Variants in TENM2 observed in about 807,000 individuals in gnomAD.
TENM2 encodes teneurin-2.
In TENM2, 52 loss-of-function variants were observed where a neutral mutation model predicts 245.2. The observed-to-expected ratio is 0.21, with a 90% CI of 0.17 to 0.27. The LOEUF is 0.27. TENM2 is among the 10% of genes least tolerant of loss of function. The pLI, the probability that TENM2 is intolerant of heterozygous loss-of-function variation, is 1.00. For missense variants in TENM2, 3,046 were observed against 3,666.8 expected (o/e 0.83, Z 4.37); for synonymous variants, 1,363 against 1,438.9 (o/e 0.95, Z 1.19).
intron 2 of TENM2, among the ~76,000 whole-genome samples, chr5:167,792,837 G>A (rs1765077215): frequency 6.6e-6 from 1 of 152,106 alleles, no homozygotes. Context: ...GTTATGAAAA[G>A]AGTTTTGCTC....
intron 2 of TENM2, among the ~76,000 whole-genome samples, chr5:167,490,223 G>A (rs1768339212): frequency 6.6e-6 from 1 of 151,820 alleles, no homozygotes. Context: ...TTAAATTCTT[G>A]TCAACTTGAT....
chr5:167,743,843 C>T (rs1439708889), intron 2 of TENM2, among the ~76,000 whole-genome samples: 1 of 152,190 alleles, frequency 6.6e-6, no homozygotes, highest in African/African-American at 2.4e-5. Flanking sequence ...GCGATGACTA[C>T]TGACCTTACC....
chr5:168,205,379 T>G (rs1762273441), intron 19 of TENM2, among the ~76,000 whole-genome samples: 1 of 151,428 alleles, frequency 6.6e-6, no homozygotes, highest in African/African-American at 2.4e-5. Flanking sequence ...TGTGTTCTGG[T>G]AAGGAGCCAC....
At chr5:167,044,128 G>T in the TENM2 span, among the ~76,000 whole-genome samples, 1 of 152,096 alleles carries the variant, frequency 6.6e-6, no homozygotes, top group East Asian at 1.9e-4. Flanking sequence ...GAAAAGGCAG[G>T]CATGAGACTG....
chr5:167,490,762 A>AT (rs1341903550), intron 2 of TENM2, among the ~76,000 whole-genome samples: 1 of 152,182 alleles, frequency 6.6e-6, no homozygotes, highest in African/African-American at 2.4e-5. Flanking sequence ...AATTCAAGTT[A>AT]TTTATTGATT....
chr5:167,998,901 T>C (rs1250031746), intron 5 of TENM2, among the ~76,000 whole-genome samples: 1 of 152,218 alleles, frequency 6.6e-6, no homozygotes, highest in African/African-American at 2.4e-5. Flanking sequence ...GATTATTTTC[T>C]ATGGAAACTA....
intron 9 of TENM2, among the ~76,000 whole-genome samples, chr5:168,112,546 C>T (rs1247425050): frequency 3.0e-5 from 4 of 132,286 alleles, no homozygotes; most frequent in South Asian, 4.6e-4. Context: ...AGGACATGAT[C>T]CCATTCCTTT....
chr5:168,252,457 G>A lies in TENM2; in HGVS notation c.7432+4086G>A, dbSNP rs76852855. 6.2e-3 allele frequency among the ~76,000 whole-genome samples: 932 copies of A among 151,266 alleles called. 10 individuals carry two copies. The highest frequency in any genetic ancestry group is 0.022 in the African/African-American group (891 of 41,192). On this transcript the variant is annotated intron_variant, in intron 27 of 28. Coordinates refer to ENST00000518659, the Ensembl canonical transcript of TENM2. ...TTTTAGCATCCCAGGAAACTCTTCC[G>A]TCTTGGACACACTGGGATCTATACC...
intron 2 of TENM2, among the ~76,000 whole-genome samples, chr5:167,587,749 C>T (rs1489516521): frequency 1.3e-5 from 2 of 152,084 alleles, no homozygotes; most frequent in South Asian, 2.1e-4. Context: ...CAGCTTTTTT[C>T]GGAATAAATA....
At chr5:167,586,751 C>G (rs563801227) in intron 2 of TENM2, among the ~76,000 whole-genome samples, 46 of 152,318 alleles carry the variant, frequency 3.0e-4, no homozygotes, top group African/African-American at 8.2e-4. Context: ...ATAACAATCA[C>G]AGTATCCCTC....
intron 2 of TENM2, among the ~76,000 whole-genome samples, chr5:167,853,586 A>G (rs1382345308): frequency 6.6e-6 from 1 of 152,120 alleles, no homozygotes; most frequent in African/African-American, 2.4e-5. Context: ...TTGCTATTTT[A>G]AGGCAAATGT....
chr5:167,472,595 G>T (rs1395886752), intron 2 of TENM2, among the ~76,000 whole-genome samples: 1 of 152,126 alleles, frequency 6.6e-6, no homozygotes, highest in Admixed American at 6.5e-5. Context: ...GAGTGACCGG[G>T]AAAGAAAATG....
At chr5:168,254,907 C>T (rs1767508253) in intron 27 of TENM2, among the ~76,000 whole-genome samples, 1 of 151,966 alleles carries the variant, frequency 6.6e-6, no homozygotes, top group Admixed American at 6.6e-5. Context: ...ATTAGCGGGG[C>T]ATGGTGGTGC....
intron 1 of TENM2, among the ~76,000 whole-genome samples, chr5:167,368,457 T>C (rs1019136729): frequency 6.6e-6 from 1 of 152,166 alleles, no homozygotes; most frequent in African/African-American, 2.4e-5. Flanking sequence ...ATGAGTTCAT[T>C]AATTTTCCTA....
chr5:167,214,051 C>G, the TENM2 span, among the ~76,000 whole-genome samples: 1 of 152,126 alleles, frequency 6.6e-6, no homozygotes, highest in South Asian at 2.1e-4. Flanking sequence ...TAATGTCGAT[C>G]AACATGGGAA....
chr5:167,001,432 G>A, the TENM2 span, among the ~76,000 whole-genome samples: 1 of 152,052 alleles, frequency 6.6e-6, no homozygotes, highest in East Asian at 1.9e-4. Context: ...TTACAGATCA[G>A]TACTGACATG....
At chr5:168,157,000 G>A (rs996191285) in intron 12 of TENM2, among the ~76,000 whole-genome samples, 1 of 152,184 alleles carries the variant, frequency 6.6e-6, no homozygotes, top group Non-Finnish European at 1.5e-5. Context: ...TTTTCCAGCA[G>A]GTGACAGTAA....
At position 167,374,689 on chromosome 5, in the gene TENM2, C is replaced by T. The variant is rs78089059; in HGVS notation, c.227-509C>T. On this transcript the variant is annotated intron_variant, in intron 1 of 28. Coordinates refer to ENST00000518659, the Ensembl canonical transcript of TENM2. ...GACCTGAACCTTAATCTGATCCCTG[C>T]GGAGGGATCAGATCCAGGTATTGCG... Among the ~76,000 whole-genome samples the T allele has an allele frequency of 5.1e-3, 769 of 152,100 alleles. 8 individuals carry two copies. Among genetic ancestry groups the T allele is most frequent in the African/African-American group, 0.018 (738 of 41,484 alleles).
chr5:167,693,215 T>C (rs1757543080), intron 2 of TENM2, among the ~76,000 whole-genome samples: 1 of 152,134 alleles, frequency 6.6e-6, no homozygotes, highest in African/African-American at 2.4e-5. Flanking sequence ...ACCATTCCAC[T>C]GCCGCAATTG....
Sources: allele counts gnomAD v4.1 joint callset (sites outside exome capture counted in the v4.1 genomes callset), GRCh38; gene constraint gnomAD v4.1.1; transcripts MANE v1.5; gene names NCBI Gene and HGNC (gene_info 2026-07-23, HGNC 2026-07-21).